Variants in ADAM22 observed in about 807,000 individuals in gnomAD.
The protein encoded by ADAM22 is ADAM metallopeptidase domain 22, also known as disintegrin and metalloproteinase domain-containing protein 22.
In ADAM22, 65 loss-of-function variants were observed where a neutral mutation model predicts 144.6. That is an observed-to-expected ratio of 0.45 (90% CI 0.37 to 0.55). The LOEUF is 0.55. Ranked by LOEUF, ADAM22 falls within the 20% of genes least tolerant of loss-of-function variation. The probability of loss-of-function intolerance (pLI) is 0.00; values close to 1 mark genes in which losing one functional copy is unlikely to be tolerated. For missense variants in ADAM22, 974 were observed against 1,184.9 expected, an observed-to-expected ratio of 0.82 and a Z score of 2.61; for synonymous variants, 391 against 412.6, an observed-to-expected ratio of 0.95 and a Z score of 0.63.
At chr7:88,077,203 CTGT>C (rs1814818916) in intron 4 of ADAM22, among the ~76,000 whole-genome samples, 1 of 152,142 alleles carries the variant, frequency 6.6e-6, no homozygotes, top group Non-Finnish European at 1.5e-5. Flanking sequence ...TTTATTTAAA[CTGT>C]TATCAGTAAC....
intron 29 of ADAM22, 137 bp downstream of exon 29, chr7:88,182,161 C>G: frequency 1.4e-6 from 1 of 734,618 alleles, no homozygotes; most frequent in Non-Finnish European, 2.2e-6. Flanking sequence ...CTTTTTTGCC[C>G]TTTAAAAATT....
At chr7:88,079,496 A>T (rs1303463604) in intron 4 of ADAM22, among the ~76,000 whole-genome samples, 1 of 152,222 alleles carries the variant, frequency 6.6e-6, no homozygotes, top group Non-Finnish European at 1.5e-5. Flanking sequence ...ACACATAACA[A>T]TACTAACCTT....
At chr7:88,083,587 TTGTGTGTGTGTGTG>T (rs35145003) in intron 4 of ADAM22, among the ~76,000 whole-genome samples, 241 of 126,746 alleles carry the variant, frequency 1.9e-3, no homozygotes, top group East Asian at 5.6e-3. Context: ...TACTTTGTGT[TTGTGTGTGTGTGTG>T]TGTGTGTGTG....
intron 3 of ADAM22, among the ~76,000 whole-genome samples, chr7:88,060,920 A>G (rs1261486322): frequency 6.6e-6 from 1 of 152,046 alleles, no homozygotes; most frequent in Non-Finnish European, 1.5e-5. Flanking sequence ...CCTGGCCAAC[A>G]TGGTGAAACC....
chr7:88,036,362 A>G (rs1191299721), intron 3 of ADAM22, among the ~76,000 whole-genome samples: 4 of 152,192 alleles, frequency 2.6e-5, no homozygotes, highest in African/African-American at 9.6e-5. Context: ...ATGGAAAAAT[A>G]TAATATCTTT....
At chr7:88,183,942 A>C (rs1847719516) in intron 29 of ADAM22, among the ~76,000 whole-genome samples, 1 of 151,962 alleles carries the variant, frequency 6.6e-6, no homozygotes, top group African/African-American at 2.4e-5. Flanking sequence ...AATACTTTCC[A>C]TATTTAAGTA....
At chr7:88,150,065 C>T (rs937488441) in intron 18 of ADAM22, among the ~76,000 whole-genome samples, 2 of 152,130 alleles carry the variant, frequency 1.3e-5, no homozygotes, top group African/African-American at 2.4e-5. Context: ...GGCGTTACCC[C>T]CTCTGGGACA....
At chr7:87,950,848 G>A (rs1351817131) in intron 2 of ADAM22, among the ~76,000 whole-genome samples, 5 of 147,344 alleles carry the variant, frequency 3.4e-5, no homozygotes, top group Middle Eastern at 3.4e-3. Flanking sequence ...GTGTGAGATG[G>A]TATCTCATTG....
At chr7:87,995,592 T>C (rs1013016176) in intron 3 of ADAM22, among the ~76,000 whole-genome samples, 4 of 152,192 alleles carry the variant, frequency 2.6e-5, no homozygotes, top group African/African-American at 7.2e-5. Context: ...TTGTTAGAAA[T>C]GCACATTCAA....
chr7:88,120,651 G>T (rs974817518), intron 7 of ADAM22, among the ~76,000 whole-genome samples: 1 of 152,106 alleles, frequency 6.6e-6, no homozygotes, highest in African/African-American at 2.4e-5. Flanking sequence ...TTAAGTTGTA[G>T]GAGTACTTAC....
intron 3 of ADAM22, among the ~76,000 whole-genome samples, chr7:88,058,994 A>C (rs534297665): frequency 6.6e-6 from 1 of 152,128 alleles, no homozygotes; most frequent in Non-Finnish European, 1.5e-5. Context: ...GGGCATAGTC[A>C]GCTGAGGGCA....
intron 17 of ADAM22, among the ~76,000 whole-genome samples, chr7:88,146,622 A>G (rs374560606): frequency 3.9e-5 from 6 of 152,230 alleles, no homozygotes; most frequent in African/African-American, 1.2e-4. Flanking sequence ...GGGTAAAATC[A>G]CCCCTGGTGG....
At chr7:88,036,049 A>G (rs977078263) in intron 3 of ADAM22, among the ~76,000 whole-genome samples, 2 of 152,232 alleles carry the variant, frequency 1.3e-5, no homozygotes, top group African/African-American at 2.4e-5. Context: ...TTATTGTTGC[A>G]GAAAGCTTTT....
intron 4 of ADAM22, among the ~76,000 whole-genome samples, chr7:88,098,859 T>A (rs1822160394): frequency 6.6e-6 from 1 of 152,220 alleles, no homozygotes; most frequent in South Asian, 2.1e-4. Context: ...ATATGCCTAA[T>A]CCTTTTGGTT....
chr7:88,053,030 A>G (rs536005040), intron 3 of ADAM22, among the ~76,000 whole-genome samples: 1 of 152,284 alleles, frequency 6.6e-6, no homozygotes, highest in South Asian at 2.1e-4. Flanking sequence ...AGTTTCCTTT[A>G]CATCTCTGTC....
chr7:87,995,107 C>T (rs1191635104), intron 3 of ADAM22, among the ~76,000 whole-genome samples: 2 of 152,290 alleles, frequency 1.3e-5, no homozygotes, highest in African/African-American at 2.4e-5. Context: ...CTTGAGCCAC[C>T]GCGTTAACTG....
chr7:88,142,639 C>T (rs1056761654), intron 14 of ADAM22, among the ~76,000 whole-genome samples: 7 of 152,016 alleles, frequency 4.6e-5, no homozygotes, highest in African/African-American at 7.2e-5. Context: ...GAGATCGAGA[C>T]CATCCTGGCT....
rs1015610589 is a variant in ADAM22, at chr7:87,934,507, C to G, written c.42C>G (p.Leu14=). ...CTGTGTCCGTGCCCTTCTTGCTGCTCTGTGTCCTGGGGACCTGCCCTCCGG... is the reference window on the plus strand; with the variant it reads ...CTGTGTCCGTGCCCTTCTTGCTGCTGTGTGTCCTGGGGACCTGCCCTCCGG... ...AVAVSVPFLL[L]CVLGTCPPAR... is the part of the protein sequence containing the mutation. Residue 14 remains leucine, a synonymous_variant, in exon 1 of 32, where the codon CTC becomes CTG. Transcript: ENST00000413139. The G allele has an allele frequency of 6.2e-7, 1 of 1,609,272 alleles. No homozygotes were observed. The highest frequency in any genetic ancestry group is 8.5e-7 in the Non-Finnish European group (1 of 1,179,620).
chr7:87,994,176 T>C (rs1241911131), intron 3 of ADAM22, among the ~76,000 whole-genome samples: 1 of 151,944 alleles, frequency 6.6e-6, no homozygotes, highest in Non-Finnish European at 1.5e-5. Context: ...TTTTTTTTTT[T>C]TTTGAGACGG....
Sources: allele counts gnomAD v4.1 joint callset (sites outside exome capture counted in the v4.1 genomes callset), GRCh38; gene constraint gnomAD v4.1.1; transcripts MANE v1.5; gene names NCBI Gene and HGNC (gene_info 2026-07-23, HGNC 2026-07-21).